PGBD2: variants seen among roughly 807,000 people sequenced by gnomAD.
PGBD2 encodes the protein piggyBac transposable element derived 2.
A neutral mutation model predicts 8.1 loss-of-function variants in PGBD2; 6 were observed. That is an observed-to-expected ratio of 0.74 (90% CI 0.40 to 1.46). PGBD2 has a LOEUF of 1.46. Ranked by LOEUF, PGBD2 falls within the 40% of genes most tolerant of loss-of-function variation. The pLI is 0.02. For missense variants in PGBD2, 802 were observed against 739.0 expected (o/e 1.09, Z -0.99); for synonymous variants, 318 against 272.2 (o/e 1.17, Z -1.66).
chr1:248,911,573 C>A (rs7537280), intron 1 of PGBD2, among the ~76,000 whole-genome samples: 17,972 of 139,660 alleles, frequency 0.13, 4,647 homozygotes, highest in African/African-American at 0.49. Flanking sequence ...CACCTTTCCC[C>A]CTTTTCTATT....
upstream of PGBD2, among the ~76,000 whole-genome samples, chr1:248,902,268 CAA>C (rs1331327616): frequency 8.0e-5 from 8 of 100,268 alleles, no homozygotes; most frequent in Middle Eastern, 5.3e-3. Flanking sequence ...GACTCCATCT[CAA>C]AAAAAAAAAA....
At chr1:248,884,601 T>C in the PGBD2 span, among the ~76,000 whole-genome samples, 1 of 151,926 alleles carries the variant, frequency 6.6e-6, no homozygotes, top group Non-Finnish European at 1.5e-5. Flanking sequence ...CACCTCATTA[T>C]AGTTTTTTAA....
the PGBD2 span, among the ~76,000 whole-genome samples, chr1:248,880,164 A>C: frequency 0.043 from 6,574 of 152,248 alleles, 471 homozygotes; most frequent in African/African-American, 0.15. Flanking sequence ...CATTCTGGCA[A>C]GTCTATTTTT....
chr1:248,911,533 G>C (rs543035388), intron 1 of PGBD2, among the ~76,000 whole-genome samples: 2 of 141,544 alleles, frequency 1.4e-5, no homozygotes, highest in African/African-American at 6.3e-5. Context: ...ACACAGACAC[G>C]GCAACCATCC....
chr1:248,898,150 G>GTAA, the PGBD2 span, among the ~76,000 whole-genome samples: 1 of 152,158 alleles, frequency 6.6e-6, no homozygotes, highest in Non-Finnish European at 1.5e-5. Context: ...AGCCTTTCCC[G>GTAA]CCTGCTGGCT....
chr1:248,873,234 C>T, the PGBD2 span, among the ~76,000 whole-genome samples: 1 of 152,146 alleles, frequency 6.6e-6, no homozygotes, highest in Non-Finnish European at 1.5e-5. Flanking sequence ...TCCCATTGGA[C>T]GCTAAGGCAC....
At position 248,918,511 on chromosome 1, in the gene PGBD2, T is replaced by A; in HGVS notation, c.*148T>A. 1 of 655,822 alleles carries A rather than the reference T, an allele frequency of 1.5e-6. No individual in the cohort carries two copies. The highest frequency in any genetic ancestry group is 2.5e-6 in the Non-Finnish European group (1 of 404,620). 40.6% of individuals were successfully genotyped at this position (655,822 alleles called of 1,614,324 possible). ...TTTCTCCCTACCCACAATACAGTTA[T>A]CTTTTTTATTGTGTTGTGTTATGCC... On this transcript the variant is annotated 3_prime_UTR_variant, in exon 3 of 3. Coordinates refer to ENST00000329291, the MANE Select transcript of PGBD2 (RefSeq NM_170725.3).
At chr1:248,908,433 A>G (rs1164155448) in intron 1 of PGBD2, among the ~76,000 whole-genome samples, 1 of 152,158 alleles carries the variant, frequency 6.6e-6, no homozygotes, top group Non-Finnish European at 1.5e-5. Context: ...AGGGTGCCTG[A>G]AATCTAGGAG....
chr1:248,884,464 A>G, the PGBD2 span, among the ~76,000 whole-genome samples: 1 of 151,930 alleles, frequency 6.6e-6, no homozygotes, highest in African/African-American at 2.4e-5. Flanking sequence ...CTCCTGCCTC[A>G]GCCTTCTGAG....
upstream of PGBD2, among the ~76,000 whole-genome samples, chr1:248,904,929 C>T (rs916520843): frequency 6.6e-6 from 1 of 152,084 alleles, no homozygotes; most frequent in African/African-American, 2.4e-5. Context: ...TTCTCTTGTG[C>T]CTTTTCTTTT....
intron 1 of PGBD2, among the ~76,000 whole-genome samples, chr1:248,912,952 G>A (rs1313689555): frequency 2.0e-5 from 3 of 151,884 alleles, no homozygotes; most frequent in African/African-American, 7.3e-5. Flanking sequence ...ACAGGCATGT[G>A]CCACCACGCC....
chr1:248,911,728 G>T (rs1463846756), intron 1 of PGBD2, among the ~76,000 whole-genome samples: 2,900 of 139,040 alleles, frequency 0.021, 8 homozygotes, highest in African/African-American at 0.06. Flanking sequence ...CCCGGACGGG[G>T]CGGCTGGCCG....
chr1:248,905,482 AGAGTG>A (rs1661605796), upstream of PGBD2, among the ~76,000 whole-genome samples: 1 of 151,800 alleles, frequency 6.6e-6, no homozygotes. Context: ...TGTCATAACT[AGAGTG>A]GAGAGAGTGT....
At position 248,916,682 on chromosome 1, in the gene PGBD2, A is replaced by G. The variant is rs1418479035; in HGVS notation, c.98A>G (p.Glu33Gly). 1 of 1,614,190 alleles carries G rather than the reference A, an allele frequency of 6.2e-7. No individual in the cohort carries two copies. The highest frequency in any genetic ancestry group is 2.2e-5 in the East Asian group (1 of 44,888). ...LLEVLNAMEE[E>G]ESNNNREEIF... ...GAGGTTCTGAATGCTATGGAGGAGG[A>G]AGAGTCCAACAACAACAGGGAAGAG... Residue 33 changes from glutamate (E) to glycine (G), a missense_variant, in exon 3 of 3, where the codon GAA becomes GGA. Glu to Gly is a moderately conservative substitution (Grantham distance 98). Coordinates refer to ENST00000329291, the MANE Select transcript of PGBD2 (RefSeq NM_170725.3).
At chr1:248,873,389 G>A in the PGBD2 span, among the ~76,000 whole-genome samples, 4 of 152,240 alleles carry the variant, frequency 2.6e-5, no homozygotes, top group Non-Finnish European at 5.9e-5. Context: ...GGTGGACCTT[G>A]AGGGGAGGGT....
At chr1:248,920,743 A>G (rs1662267496), downstream of PGBD2, among the ~76,000 whole-genome samples, 1 of 152,158 alleles carries the variant, frequency 6.6e-6, no homozygotes, top group African/African-American at 2.4e-5. Flanking sequence ...TGGTGGAACT[A>G]ATTTACGGTC....
At chr1:248,912,634 C>T (rs953839959) in intron 1 of PGBD2, 1 of 152,132 alleles carries the variant, frequency 6.6e-6, no homozygotes, top group East Asian at 1.9e-4. Flanking sequence ...CATGTCCCCA[C>T]CTCCCAGATT....
chr1:248,908,086 C>T (rs1661724789), intron 1 of PGBD2, among the ~76,000 whole-genome samples: 2 of 152,144 alleles, frequency 1.3e-5, no homozygotes, highest in Non-Finnish European at 2.9e-5. Flanking sequence ...GTCAACAAAA[C>T]CAGGATATTA....
At chr1:248,889,047 C>G in the PGBD2 span, among the ~76,000 whole-genome samples, 1 of 151,976 alleles carries the variant, frequency 6.6e-6, no homozygotes, top group Non-Finnish European at 1.5e-5. Flanking sequence ...TTACTTTTGA[C>G]TATGACTTAT....
Sources: gnomAD v4.1 joint callset for allele counts (sites outside exome capture counted in the v4.1 genomes callset) on GRCh38, gnomAD v4.1.1 for gene constraint, MANE v1.5 for transcripts, NCBI Gene and HGNC (gene_info 2026-07-23, HGNC 2026-07-21) for gene names.